ADGRL3: variants seen among roughly 807,000 people sequenced by gnomAD.
ADGRL3 encodes adhesion G protein-coupled receptor L3.
Under a neutral mutation model 153.5 loss-of-function variants are expected in ADGRL3, and 62 were observed. That is an observed-to-expected ratio of 0.40 (90% confidence interval 0.33 to 0.50). The LOEUF (loss-of-function observed/expected upper bound fraction) is 0.50, where lower values mean the gene tolerates loss of function less well. Among genes scored for constraint, ADGRL3 ranks in the 20% least tolerant of loss-of-function variants. The pLI is 0.47. For missense variants in ADGRL3, 1,641 were observed against 1,859.4 expected (o/e 0.88, Z 2.16); for synonymous variants, 710 against 672.5 (o/e 1.06, Z -0.86).
intron 17 of ADGRL3, among the ~76,000 whole-genome samples, chr4:61,953,728 G>T (rs900967837): frequency 6.6e-6 from 1 of 152,154 alleles, no homozygotes; most frequent in Non-Finnish European, 1.5e-5. Context: ...TAGAGACATA[G>T]GGGAAGATCA....
intron 1 of ADGRL3, among the ~76,000 whole-genome samples, chr4:61,241,618 A>G (rs1326829838): frequency 1.3e-5 from 2 of 152,030 alleles, no homozygotes; most frequent in Non-Finnish European, 2.9e-5. Flanking sequence ...ATTGGAAGTG[A>G]CCTGTCTTCT....
At chr4:61,751,893 A>G (rs780874295) in intron 8 of ADGRL3, among the ~76,000 whole-genome samples, 12 of 152,192 alleles carry the variant, frequency 7.9e-5, no homozygotes, top group Non-Finnish European at 1.8e-4. Flanking sequence ...AAAGAGAAAT[A>G]CATTTTTTAT....
chr4:61,465,533 TA>T lies in ADGRL3; in HGVS notation c.-173-31587del, dbSNP rs552687950. Reference sequence around the variant, plus strand: ...ATCAAAATGAATTTATATTGTATTTTACCAAAAGAAAAAAATATACTTTCTA... The same window carrying T: ...ATCAAAATGAATTTATATTGTATTTTCCAAAAGAAAAAAATATACTTTCTA... On this transcript the variant is annotated intron_variant, in intron 2 of 26. Transcript: ENST00000683033. 3.4e-4 allele frequency among the ~76,000 whole-genome samples: 51 copies of T among 151,796 alleles called. No individual in the cohort carries two copies. In the East Asian group the frequency reaches 9.9e-3, roughly 29 times the overall value.
chr4:61,340,423 CTT>C (rs371760287), intron 1 of ADGRL3, among the ~76,000 whole-genome samples: 1 of 148,258 alleles, frequency 6.7e-6, no homozygotes, highest in Admixed American at 6.8e-5. Context: ...TAGGCATTCT[CTT>C]TTTTTTTTGT....
At chr4:61,600,683 A>G (rs2099007868) in intron 5 of ADGRL3, among the ~76,000 whole-genome samples, 1 of 152,212 alleles carries the variant, frequency 6.6e-6, no homozygotes, top group Non-Finnish European at 1.5e-5. Context: ...ACGTTTTTAC[A>G]TGGTCCTCTA....
At chr4:61,630,430 C>T (rs1253166098) in intron 5 of ADGRL3, among the ~76,000 whole-genome samples, 2 of 152,140 alleles carry the variant, frequency 1.3e-5, no homozygotes, top group Non-Finnish European at 2.9e-5. Flanking sequence ...TGTTAGCTGA[C>T]TTCATGTTGT....
At position 61,783,324 on chromosome 4, in the gene ADGRL3, A is replaced by G. The variant is rs190239229; in HGVS notation, c.1400-30485A>G. Among the ~76,000 whole-genome samples, 971 of 152,176 alleles carry G rather than the reference A, an allele frequency of 6.4e-3. 14 individuals are homozygous for G. The highest frequency in any genetic ancestry group is 7.4e-3 in the Non-Finnish European group (504 of 67,984). Reference sequence around the variant, plus strand: ...TATATCTGAGCCAAGTGCCTGGGTGATTCAGTATGTATTTAATTCCCATAG... The same window carrying G: ...TATATCTGAGCCAAGTGCCTGGGTGGTTCAGTATGTATTTAATTCCCATAG... On this transcript the variant is annotated intron_variant, in intron 8 of 26. Transcript: ENST00000683033.
At chr4:61,887,099 A>G (rs945398421) in intron 9 of ADGRL3, among the ~76,000 whole-genome samples, 4 of 152,082 alleles carry the variant, frequency 2.6e-5, no homozygotes, top group Admixed American at 6.5e-5. Flanking sequence ...CCCTGACCTC[A>G]GGTGATCTGC....
intron 6 of ADGRL3, among the ~76,000 whole-genome samples, chr4:61,730,067 A>G (rs2096413459): frequency 6.6e-6 from 1 of 151,974 alleles, no homozygotes; most frequent in Admixed American, 6.6e-5. Flanking sequence ...AGATCATTCA[A>G]CATTAATGTG....
At chr4:62,013,620 T>G (rs904370998) in intron 21 of ADGRL3, among the ~76,000 whole-genome samples, 10 of 151,984 alleles carry the variant, frequency 6.6e-5, no homozygotes, top group Non-Finnish European at 4.4e-5. Context: ...CCGGGCATGG[T>G]GACTTATGCC....
intron 1 of ADGRL3, among the ~76,000 whole-genome samples, chr4:61,211,051 G>A (rs6846168): frequency 0.44 from 66,869 of 151,948 alleles, 14,961 homozygotes; most frequent in Middle Eastern, 0.54. Flanking sequence ...ATTATTTTAC[G>A]GTCATTCTAC....
At position 61,400,965 on chromosome 4, in the gene ADGRL3, T is replaced by G. The variant is rs2096923416; in HGVS notation, c.-174+17776T>G. Among the ~76,000 whole-genome samples the G allele has an allele frequency of 2.0e-5, 3 of 151,958 alleles. No homozygotes were observed. The South Asian group carries it at 6.2e-4, about 31-fold the overall frequency. On this transcript the variant is annotated intron_variant, in intron 2 of 26. Transcript: ENST00000683033. ...ATTAGATTTTAAATGATTATTTTTA[T>G]AGCACCTTTTCCATTTTTGAATTTA... is the stretch of plus-strand genomic sequence containing the variant.
chr4:61,500,258 A>G (rs1579203094), intron 3 of ADGRL3, among the ~76,000 whole-genome samples: 1 of 152,184 alleles, frequency 6.6e-6, no homozygotes, highest in Non-Finnish European at 1.5e-5. Flanking sequence ...CTTTTTACTT[A>G]TAAACTTTAT....
chr4:61,516,588 T>C (rs947064803), intron 3 of ADGRL3, among the ~76,000 whole-genome samples: 1 of 152,120 alleles, frequency 6.6e-6, no homozygotes, highest in African/African-American at 2.4e-5. Flanking sequence ...AAAAATCATG[T>C]ATACTTTTTT....
intron 4 of ADGRL3, among the ~76,000 whole-genome samples, chr4:61,526,008 G>A (rs116510154): frequency 0.017 from 2,571 of 152,208 alleles, 78 homozygotes; most frequent in African/African-American, 0.058. Context: ...CCGAAGCAGG[G>A]GAGGGACAAG....
At chr4:61,318,881 G>C (rs1379740139) in intron 1 of ADGRL3, among the ~76,000 whole-genome samples, 1 of 151,974 alleles carries the variant, frequency 6.6e-6, no homozygotes, top group East Asian at 1.9e-4. Context: ...TTTTTATATT[G>C]ACAGTCAATA....
At chr4:61,655,065 TAC>T (rs1561009430) in intron 5 of ADGRL3, among the ~76,000 whole-genome samples, 8 of 152,168 alleles carry the variant, frequency 5.3e-5, no homozygotes, top group Non-Finnish European at 1.0e-4. Flanking sequence ...GTGTGACTCT[TAC>T]TATCAGCTGT....
intron 5 of ADGRL3, among the ~76,000 whole-genome samples, chr4:61,604,243 C>T (rs1449753645): frequency 6.6e-6 from 1 of 152,064 alleles, no homozygotes; most frequent in African/African-American, 2.4e-5. Flanking sequence ...TGAGCTGAGA[C>T]CTGGATGCCT....
intron 2 of ADGRL3, among the ~76,000 whole-genome samples, chr4:61,447,927 AC>A (rs1483754882): frequency 6.6e-6 from 1 of 152,214 alleles, no homozygotes; most frequent in East Asian, 1.9e-4. Flanking sequence ...CCAAACAACA[AC>A]AAAAACAACA....
Sources: allele counts gnomAD v4.1 joint callset (sites outside exome capture counted in the v4.1 genomes callset), GRCh38; gene constraint gnomAD v4.1.1; transcripts MANE v1.5; gene names NCBI Gene and HGNC (gene_info 2026-07-23, HGNC 2026-07-21).